The following FANK1 variants were observed in gnomAD, a reference collection of about 807,000 sequenced individuals.
FANK1 encodes the protein fibronectin type 3 and ankyrin repeat domains protein 1.
FANK1 carries 44 observed loss-of-function variants against 45.3 expected under a neutral mutation model. The ratio of observed to expected loss-of-function variants is 0.97; its 90% CI spans 0.76 to 1.25. The LOEUF (loss-of-function observed/expected upper bound fraction) is 1.25. Among genes scored for constraint, FANK1 ranks in the 50% most tolerant of loss-of-function variants. The pLI is 0.00. For synonymous variants in FANK1, 149 were observed against 152.5 expected, an observed-to-expected ratio of 0.98 and a Z score of 0.17; for missense variants, 391 against 424.4, an observed-to-expected ratio of 0.92 and a Z score of 0.69.
chr10:125,899,288 A>G (rs1271447262), intron 1 of FANK1, among the ~76,000 whole-genome samples: 2 of 152,126 alleles, frequency 1.3e-5, no homozygotes, highest in African/African-American at 4.8e-5. Context: ...TTGAACTCCT[A>G]ACTTCAGGTG....
chr10:125,992,272 T>C (rs954409142), intron 3 of FANK1, among the ~76,000 whole-genome samples: 3 of 152,172 alleles, frequency 2.0e-5, no homozygotes, highest in African/African-American at 7.2e-5. Context: ...CAAGGGCCTT[T>C]TCATTTCTTT....
chr10:125,995,456 G>A lies in FANK1; in HGVS notation c.356G>A (p.Ser119Asn). ...AGTGAGCACTTGCACCGGGCTGTCA[G>A]TGTGAATGATGAAGATTTGCTGGTC... ...ISSEHLHRAV[S>N]VNDEDLLVRI... The change falls in exon 4 of 11, where the codon AGT becomes AAT. Residue 119 changes from serine to asparagine, a missense_variant. Physicochemically the swap from Ser to Asn is conservative, Grantham distance 46 (BLOSUM62 1). Coordinates refer to ENST00000368693, the MANE Select transcript of FANK1 (RefSeq NM_145235.5). 2 of 1,614,210 alleles carry A rather than the reference G, an allele frequency of 1.2e-6. No homozygotes were observed. The highest frequency in any genetic ancestry group is 1.7e-6 in the Non-Finnish European group (2 of 1,180,040).
intron 1 of FANK1, among the ~76,000 whole-genome samples, chr10:125,975,235 C>T (rs1590125921): frequency 6.6e-6 from 1 of 152,164 alleles, no homozygotes; most frequent in Non-Finnish European, 1.5e-5. Context: ...TTTTCTTTAT[C>T]CAGTCTGTCA....
intron 2 of FANK1, among the ~76,000 whole-genome samples, chr10:125,981,369 G>A (rs1951199962): frequency 6.6e-6 from 1 of 152,022 alleles, no homozygotes; most frequent in African/African-American, 2.4e-5. Flanking sequence ...TTAGCCAGGT[G>A]TGGTGGCTTA....
At position 125,986,085 on chromosome 10, in the gene FANK1, A is replaced by G. The variant is rs577747966; in HGVS notation, c.192-2466A>G. Among the ~76,000 whole-genome samples, 52 of 152,238 alleles carry G rather than the reference A, an allele frequency of 3.4e-4. No individual in the cohort carries two copies. In the South Asian group the frequency reaches 4.1e-3, roughly 12 times the overall value. ...AGACTCTAACTCTGGCAGGGGAGGA[A>G]CATGTTCCTGCGGGGATGGTGGAGA... On this transcript the variant is annotated intron_variant, in intron 2 of 10. Coordinates refer to ENST00000368693, the MANE Select transcript of FANK1 (RefSeq NM_145235.5).
intron 1 of FANK1, among the ~76,000 whole-genome samples, chr10:125,938,167 G>A (rs1948220820): frequency 6.6e-6 from 1 of 152,168 alleles, no homozygotes; most frequent in African/African-American, 2.4e-5. Flanking sequence ...GAACAATTGA[G>A]AAACTATATC....
At chr10:125,897,296 G>GT (rs1944624864) in intron 1 of FANK1, among the ~76,000 whole-genome samples, 1 of 152,280 alleles carries the variant, frequency 6.6e-6, no homozygotes, top group Non-Finnish European at 1.5e-5. Context: ...AAGTTGTGCA[G>GT]TTTTGAGTTA....
rs147000271 is a variant in FANK1 at position 125,909,745 on chromosome 10, T to C, written c.13+13090T>C. Among the ~76,000 whole-genome samples, 1,129 of 150,806 alleles carry C rather than the reference T, an allele frequency of 7.5e-3. 12 individuals are homozygous for C. Among genetic ancestry groups the C allele is most frequent in the Non-Finnish European group, 0.01 (692 of 67,788 alleles). ...TCTCACTATGTTGCCTGGGGTGGTA[T>C]TGAAGTTCTGGCCTCAAGCAAACCT... On this transcript the variant is annotated intron_variant, in intron 1 of 10. Transcript: ENST00000368693.
At chr10:125,946,640 C>A (rs1460660261) in intron 1 of FANK1, among the ~76,000 whole-genome samples, 1 of 148,946 alleles carries the variant, frequency 6.7e-6, no homozygotes, top group African/African-American at 2.5e-5. Context: ...GATTGGTGTA[C>A]CTGAAAGTGA....
intron 1 of FANK1, among the ~76,000 whole-genome samples, chr10:125,935,000 AG>A (rs1051363891): frequency 6.6e-6 from 1 of 152,060 alleles, no homozygotes; most frequent in African/African-American, 2.4e-5. Context: ...GCAGTTCAGC[AG>A]GGTGGAGGCT....
chr10:126,005,361 G>GC (rs1953112670), intron 7 of FANK1, among the ~76,000 whole-genome samples: 1 of 147,812 alleles, frequency 6.8e-6, no homozygotes, highest in African/African-American at 2.5e-5. Context: ...ACGCTGGAGT[G>GC]CAGTGGCGCG....
chr10:125,909,901 G>T (rs61870863), intron 1 of FANK1, among the ~76,000 whole-genome samples: 1 of 151,878 alleles, frequency 6.6e-6, no homozygotes, highest in African/African-American at 2.4e-5. Context: ...CCACCCCAGA[G>T]TTAGTCACAT....
chr10:125,909,723 C>T (rs112552481), intron 1 of FANK1, among the ~76,000 whole-genome samples: 1 of 136,326 alleles, frequency 7.3e-6, no homozygotes, highest in Non-Finnish European at 1.5e-5. Context: ...TGACAGGTCT[C>T]ACTATGTTGC....
intron 1 of FANK1, among the ~76,000 whole-genome samples, chr10:125,950,632 T>C (rs1036482624): frequency 1.5e-4 from 23 of 152,194 alleles, no homozygotes; most frequent in African/African-American, 5.3e-4. Context: ...GGAACACTTT[T>C]ACACTGTTGG....
intron 1 of FANK1, among the ~76,000 whole-genome samples, chr10:125,942,517 G>A (rs1948514848): frequency 6.6e-6 from 1 of 152,122 alleles, no homozygotes; most frequent in Non-Finnish European, 1.5e-5. Flanking sequence ...GATTTGAGGA[G>A]GAGGACATTT....
intron 1 of FANK1, among the ~76,000 whole-genome samples, chr10:125,912,915 G>A (rs150475582): frequency 2.0e-5 from 3 of 152,188 alleles, no homozygotes; most frequent in South Asian, 2.1e-4. Context: ...GATTACAGGC[G>A]TAAGCCATCG....
intron 1 of FANK1, among the ~76,000 whole-genome samples, chr10:125,936,545 C>A (rs1948111441): frequency 6.6e-6 from 1 of 151,946 alleles, no homozygotes; most frequent in South Asian, 2.1e-4. Flanking sequence ...ACTTCTAACA[C>A]CATGGGTTAG....
intron 1 of FANK1, among the ~76,000 whole-genome samples, chr10:125,961,171 A>C (rs1949903731): frequency 6.6e-6 from 1 of 152,320 alleles, no homozygotes; most frequent in East Asian, 1.9e-4. Context: ...CAATGGCATG[A>C]TCATGGCTCA....
At chr10:125,950,312 C>T (rs994327944) in intron 1 of FANK1, among the ~76,000 whole-genome samples, 2 of 149,126 alleles carry the variant, frequency 1.3e-5, no homozygotes, top group African/African-American at 4.9e-5. Context: ...AAGAAACTAC[C>T]ATCAGAGTGA....
Sources: gnomAD v4.1 joint callset for allele counts (sites outside exome capture counted in the v4.1 genomes callset) on GRCh38, gnomAD v4.1.1 for gene constraint, MANE v1.5 for transcripts, NCBI Gene and HGNC (gene_info 2026-07-23, HGNC 2026-07-21) for gene names.